Variants in DOCK1 observed in about 807,000 individuals in gnomAD.
DOCK1 encodes the protein dedicator of cytokinesis 1.
DOCK1 carries 138 observed loss-of-function variants against 262.7 expected under a neutral mutation model. The ratio of observed to expected loss-of-function variants is 0.53; its 90% CI spans 0.46 to 0.61. DOCK1 has a LOEUF of 0.61. Among genes scored for constraint, DOCK1 ranks in the 20% least tolerant of loss-of-function variants. DOCK1 has a pLI of 0.00. For missense variants in DOCK1, 1,908 were observed against 2,370.7 expected (o/e 0.80, Z 4.05); for synonymous variants, 866 against 867.4 (o/e 1.00, Z 0.03).
chr10:127,007,205 GGAGT>G (rs1485288171), intron 10 of DOCK1, among the ~76,000 whole-genome samples: 11 of 152,138 alleles, frequency 7.2e-5, no homozygotes, highest in Admixed American at 3.9e-4. Flanking sequence ...TTGGTTGAGT[GGAGT>G]GAGTGTGGGT....
chr10:127,221,142 C>T (rs1041406374), intron 27 of DOCK1, among the ~76,000 whole-genome samples: 1 of 152,128 alleles, frequency 6.6e-6, no homozygotes, highest in African/African-American at 2.4e-5. Context: ...ATGGAAAGTA[C>T]AAGAAAATCA....
At chr10:127,300,553 T>C (rs1260575198) in intron 29 of DOCK1, among the ~76,000 whole-genome samples, 1 of 152,238 alleles carries the variant, frequency 6.6e-6, no homozygotes, top group Non-Finnish European at 1.5e-5. Flanking sequence ...AAAAGAGATA[T>C]CGCCCTCCCT....
intron 27 of DOCK1, among the ~76,000 whole-genome samples, chr10:127,129,369 T>C (rs759809362): frequency 6.6e-6 from 1 of 152,002 alleles, no homozygotes; most frequent in Non-Finnish European, 1.5e-5. Flanking sequence ...ACAACATGTA[T>C]GAATCAGGAA....
At chr10:127,331,912 G>T (rs2062999496) in intron 29 of DOCK1, among the ~76,000 whole-genome samples, 1 of 152,196 alleles carries the variant, frequency 6.6e-6, no homozygotes, top group African/African-American at 2.4e-5. Context: ...CATGATCTGT[G>T]TGAAAGCAAT....
At chr10:127,358,031 TG>T (rs1441724658) in intron 32 of DOCK1, among the ~76,000 whole-genome samples, 1 of 152,026 alleles carries the variant, frequency 6.6e-6, no homozygotes, top group African/African-American at 2.4e-5. Context: ...TTTTTGTAAA[TG>T]GGTGCAGGTT....
At chr10:127,402,700 G>A (rs11017876) in intron 38 of DOCK1, 119,329 of 529,266 alleles carry the variant, frequency 0.23, 13,950 homozygotes, top group East Asian at 0.26. Flanking sequence ...TCACCCTACG[G>A]TTCCTTTTCC....
chr10:127,075,460 T>C (rs1460193385), intron 23 of DOCK1, among the ~76,000 whole-genome samples: 2 of 152,192 alleles, frequency 1.3e-5, no homozygotes, highest in East Asian at 1.9e-4. Context: ...TTTGTAGAGA[T>C]ATGGTTTCGT....
At chr10:127,348,775 T>C (rs2063755900) in intron 31 of DOCK1, among the ~76,000 whole-genome samples, 1 of 152,174 alleles carries the variant, frequency 6.6e-6, no homozygotes, top group Admixed American at 6.5e-5. Flanking sequence ...CTCCAGAAGA[T>C]TATGTCAAAC....
chr10:127,295,840 A>T (rs1237674395), intron 29 of DOCK1, among the ~76,000 whole-genome samples: 1 of 152,214 alleles, frequency 6.6e-6, no homozygotes, highest in Non-Finnish European at 1.5e-5. Flanking sequence ...TTTTGTTCTT[A>T]AGAGAAGGTG....
intron 27 of DOCK1, among the ~76,000 whole-genome samples, chr10:127,229,511 T>C (rs34168048): frequency 0.26 from 39,934 of 152,062 alleles, 5,622 homozygotes; most frequent in South Asian, 0.41. Context: ...CTTACTTATT[T>C]CCCTTAAAAT....
chr10:127,343,507 C>A, intron 30 of DOCK1, 139 bp from the exon 31 acceptor site: 1 of 660,274 alleles, frequency 1.5e-6, no homozygotes, highest in Non-Finnish European at 2.5e-6. Context: ...TGGTTAGCAA[C>A]ATGTATAGAG....
At chr10:127,104,622 CA>C (rs2048426622) in intron 23 of DOCK1, among the ~76,000 whole-genome samples, 5 of 152,162 alleles carry the variant, frequency 3.3e-5, no homozygotes, top group Admixed American at 3.3e-4. Flanking sequence ...TTCCAGTGTT[CA>C]AAGTGTTACC....
At chr10:126,950,708 T>C (rs1336629729) in intron 1 of DOCK1, among the ~76,000 whole-genome samples, 1 of 152,154 alleles carries the variant, frequency 6.6e-6, no homozygotes, top group Admixed American at 6.6e-5. Context: ...TTCCTCCTGC[T>C]CTTTGCCTCA....
intron 26 of DOCK1, among the ~76,000 whole-genome samples, chr10:127,126,908 G>A (rs574966090): frequency 1.3e-5 from 2 of 152,318 alleles, no homozygotes; most frequent in African/African-American, 4.8e-5. Context: ...GGAAGAAAAA[G>A]ATCGGATTAA....
chr10:127,194,788 G>A lies in DOCK1; in HGVS notation c.2848-53220G>A, dbSNP rs558665859. Among the ~76,000 whole-genome samples, 16 of 152,274 alleles carry A rather than the reference G, an allele frequency of 1.1e-4. No individual in the cohort carries two copies. In the South Asian group the frequency reaches 2.5e-3, roughly 24 times the overall value. ...TGAGCTGTAGTCTTCTGAAATGATC[G>A]TTTGGCTTCCCAGCCAAGGCAGGGC... On this transcript the variant is annotated intron_variant, in intron 27 of 51. Coordinates refer to ENST00000623213, the MANE Select transcript of DOCK1 (RefSeq NM_001290223.2).
Position 127,439,999 on chromosome 10 carries a change from C to T in DOCK1, c.5259+774C>T, listed in dbSNP as rs140410160. 2.4e-3 allele frequency among the ~76,000 whole-genome samples: 362 copies of T among 152,174 alleles called. 3 individuals are homozygous for T. Among genetic ancestry groups the T allele is most frequent in the African/African-American group, 8.2e-3 (340 of 41,534 alleles). On this transcript the variant is annotated intron_variant, in intron 49 of 51. Transcript: ENST00000623213. ...TACTGCAAAGGAATAACTGAGCCTG[C>T]GTCATTTATGAAGAGGTTGATTTGG...
chr10:127,451,202 G>T, intron 51 of DOCK1, 130 bp from the exon 52 acceptor site: 2 of 1,022,748 alleles, frequency 2.0e-6, no homozygotes, highest in Non-Finnish European at 2.9e-6. Flanking sequence ...CGGACAGGAT[G>T]GAGCCCAACT....
At chr10:127,406,714 T>C (rs1457992269) in intron 40 of DOCK1, among the ~76,000 whole-genome samples, 2 of 152,264 alleles carry the variant, frequency 1.3e-5, no homozygotes, top group Non-Finnish European at 2.9e-5. Flanking sequence ...TTTGACTATA[T>C]GTACATTTCC....
chr10:127,279,624 C>T (rs939164836), intron 29 of DOCK1, among the ~76,000 whole-genome samples: 1 of 152,172 alleles, frequency 6.6e-6, no homozygotes, highest in Non-Finnish European at 1.5e-5. Flanking sequence ...AAACATGTTA[C>T]TGTTCTCTAC....
Sources: gnomAD v4.1 joint callset for allele counts (sites outside exome capture counted in the v4.1 genomes callset) on GRCh38, gnomAD v4.1.1 for gene constraint, MANE v1.5 for transcripts, NCBI Gene and HGNC (gene_info 2026-07-23, HGNC 2026-07-21) for gene names.